TRPM3: variants seen among roughly 807,000 people sequenced by gnomAD.
TRPM3 encodes the protein transient receptor potential cation channel subfamily M member 3.
TRPM3 carries 77 observed loss-of-function variants against 181.2 expected under a neutral mutation model. The observed-to-expected ratio is 0.42, with a 90% CI of 0.35 to 0.51. TRPM3 has a LOEUF of 0.51. Ranked by LOEUF, TRPM3 falls within the 20% of genes least tolerant of loss-of-function variation. The pLI is 0.01. For missense variants in TRPM3, 1,759 were observed against 2,196.7 expected, an observed-to-expected ratio of 0.80 and a Z score of 3.98; for synonymous variants, 745 against 796.4, an observed-to-expected ratio of 0.94 and a Z score of 1.09.
Position 70,701,391 on chromosome 9 carries a change from TCTCA to T in TRPM3, c.1273-19817_1273-19814del, listed in dbSNP as rs559498967. On this transcript the variant is annotated intron_variant, in intron 8 of 25. Transcript: ENST00000677713. The stretch of plus-strand genomic sequence containing the variant: ...TGGTGTGACTAACTGTCCTCACCAC[TCTCA>T]CTGACTGTGCCTCCCTGATTTCTAA... 3.0e-3 allele frequency among the ~76,000 whole-genome samples: 451 copies of T among 152,230 alleles called. 2 individuals are homozygous for T. Among genetic ancestry groups the T allele is most frequent in the African/African-American group, 9.8e-3 (408 of 41,548 alleles).
chr9:71,090,644 G>A (rs768285524), intron 1 of TRPM3, among the ~76,000 whole-genome samples: 3 of 152,062 alleles, frequency 2.0e-5, no homozygotes. Context: ...GTTAATGGAG[G>A]AGTCCGGCAG....
chr9:71,417,558 A>G (rs2093655325), intron 1 of TRPM3, among the ~76,000 whole-genome samples: 1 of 152,020 alleles, frequency 6.6e-6, no homozygotes, highest in Non-Finnish European at 1.5e-5. Context: ...TGGTCTTCCA[A>G]AATATTATCT....
chr9:70,898,179 GTGGCGCGA>G (rs2096311720), intron 1 of TRPM3, among the ~76,000 whole-genome samples: 1 of 151,382 alleles, frequency 6.6e-6, no homozygotes, highest in South Asian at 2.1e-4. Context: ...CTGGAGTGCA[GTGGCGCGA>G]TCTCGGCTCA....
At chr9:71,354,876 G>T (rs1029579157) in intron 1 of TRPM3, among the ~76,000 whole-genome samples, 2 of 152,182 alleles carry the variant, frequency 1.3e-5, no homozygotes, top group Non-Finnish European at 2.9e-5. Context: ...GGTAAGTAGA[G>T]GCCTCAAATC....
At chr9:70,792,223 T>C (rs1357303230) in intron 6 of TRPM3, among the ~76,000 whole-genome samples, 1 of 152,108 alleles carries the variant, frequency 6.6e-6, no homozygotes, top group Non-Finnish European at 1.5e-5. Flanking sequence ...GGGATTGAAG[T>C]GGAGATCCTG....
At position 70,534,565 on chromosome 9, in the gene TRPM3, CTT is replaced by C. The variant is rs2041346447; in HGVS notation, c.*1386_*1387del. ...TATAAGTGGCATATACTATAGAACT[CTT>C]TATATGGTTTATTTGCTTTCTATTT... On this transcript the variant is annotated 3_prime_UTR_variant, in exon 26 of 26. Coordinates refer to ENST00000677713, the MANE Select transcript of TRPM3 (RefSeq NM_001366145.2). The C allele has an allele frequency of 6.6e-6, 1 of 152,098 alleles. No individual in the cohort carries two copies. Among genetic ancestry groups the C allele is most frequent in the South Asian group, 2.1e-4 (1 of 4,822 alleles). 9.4% of individuals were successfully genotyped at this position (152,098 alleles called of 1,614,324 possible).
chr9:70,870,741 G>C (rs187584345), intron 1 of TRPM3, among the ~76,000 whole-genome samples: 1 of 152,038 alleles, frequency 6.6e-6, no homozygotes, highest in Non-Finnish European at 1.5e-5. Flanking sequence ...GTTGCTATGT[G>C]AAAAAAGCAG....
intron 1 of TRPM3, among the ~76,000 whole-genome samples, chr9:70,982,453 T>C (rs894833532): frequency 6.6e-6 from 1 of 152,148 alleles, no homozygotes; most frequent in Non-Finnish European, 1.5e-5. Context: ...AAAATAGCTG[T>C]TCCTTCTATT....
intron 8 of TRPM3, among the ~76,000 whole-genome samples, chr9:70,758,261 T>A (rs1032223976): frequency 2.6e-5 from 4 of 152,002 alleles, no homozygotes; most frequent in Non-Finnish European, 4.4e-5. Flanking sequence ...TACCTAGGAA[T>A]CCAACTTACA....
At chr9:71,365,668 T>C (rs972477693) in intron 1 of TRPM3, among the ~76,000 whole-genome samples, 4 of 152,196 alleles carry the variant, frequency 2.6e-5, no homozygotes, top group Admixed American at 1.3e-4. Flanking sequence ...TGGCATGGTA[T>C]AATGACAGAA....
At chr9:70,877,528 T>C (rs2095889619) in intron 1 of TRPM3, among the ~76,000 whole-genome samples, 1 of 151,980 alleles carries the variant, frequency 6.6e-6, no homozygotes, top group South Asian at 2.1e-4. Flanking sequence ...TCCCTACAGA[T>C]TGTTTTATTT....
intron 9 of TRPM3, among the ~76,000 whole-genome samples, chr9:70,644,782 A>G (rs1322677703): frequency 2.0e-5 from 3 of 152,224 alleles, no homozygotes; most frequent in Non-Finnish European, 4.4e-5. Flanking sequence ...CTGTTTGCAG[A>G]TGACATGATT....
At chr9:71,008,666 A>C (rs578231194) in intron 1 of TRPM3, among the ~76,000 whole-genome samples, 58 of 152,284 alleles carry the variant, frequency 3.8e-4, no homozygotes, top group Admixed American at 8.5e-4. Flanking sequence ...AACCTGGTGA[A>C]ACCCTGTCTC....
At chr9:70,689,133 A>G (rs777891506) in intron 8 of TRPM3, among the ~76,000 whole-genome samples, 16 of 152,308 alleles carry the variant, frequency 1.1e-4, no homozygotes, top group Middle Eastern at 3.4e-3. Context: ...CAATTTTAAC[A>G]CAAGAGTCTA....
At chr9:70,865,158 C>T (rs554665943) in intron 1 of TRPM3, among the ~76,000 whole-genome samples, 2 of 151,970 alleles carry the variant, frequency 1.3e-5, no homozygotes, top group Admixed American at 1.3e-4. Context: ...TTTTCTTGTG[C>T]GCCCCACACG....
At chr9:71,018,180 A>C (rs532821060) in intron 1 of TRPM3, among the ~76,000 whole-genome samples, 1 of 151,904 alleles carries the variant, frequency 6.6e-6, no homozygotes, top group South Asian at 2.1e-4. Flanking sequence ...CTAAAGCTGT[A>C]CTTCCAGAGA....
intron 12 of TRPM3, among the ~76,000 whole-genome samples, chr9:70,630,653 T>C (rs893501593): frequency 6.6e-6 from 1 of 152,134 alleles, no homozygotes; most frequent in African/African-American, 2.4e-5. Context: ...TTCTAGCACT[T>C]CCCCCTCCCC....
At position 70,851,379 on chromosome 9, in the gene TRPM3, C is replaced by T. The variant is rs994566451; in HGVS notation, c.463-4788G>A. On this transcript the variant is annotated intron_variant, in intron 3 of 25. Transcript: ENST00000677713. ...GATATTGTGTAATAATTTCAGCAAG[C>T]TTAACTAGCTAAGTGACATATTATG... Among the ~76,000 whole-genome samples, 5 of 152,114 alleles carry T rather than the reference C, an allele frequency of 3.3e-5. No individual in the cohort carries two copies. The East Asian group carries it at 5.8e-4, about 18-fold the overall frequency.
chr9:70,584,995 T>C (rs2056808252), intron 22 of TRPM3, among the ~76,000 whole-genome samples: 1 of 152,196 alleles, frequency 6.6e-6, no homozygotes, highest in African/African-American at 2.4e-5. Context: ...ATGTACCAAG[T>C]CAGTGACATC....
Sources: gnomAD v4.1 joint callset for allele counts (sites outside exome capture counted in the v4.1 genomes callset) on GRCh38, gnomAD v4.1.1 for gene constraint, MANE v1.5 for transcripts, NCBI Gene and HGNC (gene_info 2026-07-23, HGNC 2026-07-21) for gene names.